The following SGCD variants were observed in gnomAD, a reference collection of about 807,000 sequenced individuals.
The protein encoded by SGCD is sarcoglycan delta.
A neutral mutation model predicts 36.6 loss-of-function variants in SGCD; 18 were observed. That is an observed-to-expected ratio of 0.49 (90% CI 0.34 to 0.73). The LOEUF (loss-of-function observed/expected upper bound fraction) is 0.73. Among genes scored for constraint, SGCD ranks in the 30% least tolerant of loss-of-function variants. The pLI is 0.01. For synonymous variants in SGCD, 133 were observed against 130.6 expected, an observed-to-expected ratio of 1.02 and a Z score of -0.12; for missense variants, 387 against 346.7, an observed-to-expected ratio of 1.12 and a Z score of -0.92.
At chr5:156,724,564 G>A (rs944179418) in intron 7 of SGCD, among the ~76,000 whole-genome samples, 4 of 151,562 alleles carry the variant, frequency 2.6e-5, no homozygotes, top group African/African-American at 7.3e-5. Context: ...CCAAGATCTC[G>A]CCTCTGCACT....
At chr5:156,017,833 C>A (rs1022625922) in intron 1 of SGCD, among the ~76,000 whole-genome samples, 1 of 152,070 alleles carries the variant, frequency 6.6e-6, no homozygotes, top group Non-Finnish European at 1.5e-5. Flanking sequence ...AAAGAACCAT[C>A]ATCTCCTCTT....
intron 3 of SGCD, among the ~76,000 whole-genome samples, chr5:156,145,659 TG>T (rs1269800537): frequency 1.3e-5 from 2 of 152,160 alleles, no homozygotes; most frequent in African/African-American, 4.8e-5. Flanking sequence ...AGTAAGTATT[TG>T]GTTAAAAGTA....
intron 1 of SGCD, among the ~76,000 whole-genome samples, chr5:156,073,890 G>T (rs1025748560): frequency 6.6e-6 from 1 of 152,318 alleles, no homozygotes; most frequent in African/African-American, 2.4e-5. Flanking sequence ...AGGCTTGACA[G>T]GTCTGAAACC....
At position 156,466,691 on chromosome 5, in the gene SGCD, A is replaced by G. The variant is rs1754733242; in HGVS notation, c.193-41910A>G. On this transcript the variant is annotated intron_variant, in intron 3 of 8. Coordinates refer to ENST00000337851, the MANE Select transcript of SGCD (RefSeq NM_000337.6). ...TGGGTGACTGCTGGGACAGAGAAAC[A>G]TTATGATGTAGAAGGATTGACTTCT... is the stretch of plus-strand genomic sequence containing the variant. Among the ~76,000 whole-genome samples, 3 of 152,200 alleles carry G rather than the reference A, an allele frequency of 2.0e-5. No individual in the cohort carries two copies. The South Asian group carries it at 6.2e-4, about 32-fold the overall frequency.
chr5:155,858,359 A>G, the SGCD span, among the ~76,000 whole-genome samples: 1 of 152,308 alleles, frequency 6.6e-6, no homozygotes, highest in East Asian at 1.9e-4. Context: ...ATATATCAAG[A>G]CCTATCAAAT....
intron 1 of SGCD, among the ~76,000 whole-genome samples, chr5:155,892,184 A>G (rs999976637): frequency 1.3e-5 from 2 of 152,068 alleles, no homozygotes; most frequent in Non-Finnish European, 2.9e-5. Flanking sequence ...GCGGCCAGGC[A>G]CAGTGGCTCA....
chr5:156,390,224 A>AG (rs1554099133), intron 3 of SGCD, among the ~76,000 whole-genome samples: 4 of 151,462 alleles, frequency 2.6e-5, no homozygotes, highest in East Asian at 3.9e-4. Flanking sequence ...TAAAAAAAAA[A>AG]GTTACATTTA....
intron 3 of SGCD, among the ~76,000 whole-genome samples, chr5:156,442,159 T>A (rs901393678): frequency 6.6e-6 from 1 of 152,188 alleles, no homozygotes; most frequent in East Asian, 1.9e-4. Flanking sequence ...GGCAGAGCAG[T>A]GATCGAGTGT....
chr5:156,449,848 A>G (rs995642127), intron 3 of SGCD, among the ~76,000 whole-genome samples: 3 of 125,350 alleles, frequency 2.4e-5, no homozygotes, highest in Middle Eastern at 3.8e-3. Flanking sequence ...GTGAAACTCC[A>G]TCTCAAAAAA....
chr5:155,761,627 T>C, the SGCD span, among the ~76,000 whole-genome samples: 39 of 97,866 alleles, frequency 4.0e-4, no homozygotes, highest in African/African-American at 1.0e-3. Context: ...TCATCATCAC[T>C]CTCTCCATCA....
intron 6 of SGCD, among the ~76,000 whole-genome samples, chr5:156,600,856 A>G (rs1392165489): frequency 6.6e-6 from 1 of 152,148 alleles, no homozygotes; most frequent in Non-Finnish European, 1.5e-5. Context: ...CTATTTGATA[A>G]TACTCCTAAC....
intron 3 of SGCD, among the ~76,000 whole-genome samples, chr5:156,158,550 G>T: frequency 6.6e-6 from 1 of 151,244 alleles, no homozygotes; most frequent in Non-Finnish European, 1.5e-5. Flanking sequence ...CCCCACTCAC[G>T]GCCTTCTCTC....
chr5:156,278,470 A>G (rs1177791345), intron 3 of SGCD, among the ~76,000 whole-genome samples: 3 of 152,210 alleles, frequency 2.0e-5, no homozygotes, highest in African/African-American at 7.2e-5. Context: ...AGGGTGGTAG[A>G]GGACTTGGAA....
chr5:155,908,470 C>G lies in SGCD; in HGVS notation c.-282+38046C>G, dbSNP rs570370864. The stretch of plus-strand genomic sequence containing the variant: ...AGGTTATTTCACTTAGTAGCAACAA[C>G]TTTGTTGAGTAAGTTTGGATTACTG... On this transcript the variant is annotated intron_variant, in intron 1 of 9. Transcript: ENST00000517913. Among the ~76,000 whole-genome samples, 5 of 152,216 alleles carry G rather than the reference C, an allele frequency of 3.3e-5. No individual in the cohort carries two copies. In the East Asian group the frequency reaches 7.7e-4, roughly 23 times the overall value.
chr5:156,670,789 T>C (rs1753255918), intron 7 of SGCD, among the ~76,000 whole-genome samples: 1 of 152,206 alleles, frequency 6.6e-6, no homozygotes, highest in Non-Finnish European at 1.5e-5. Context: ...GCCTGTCTAA[T>C]TTCCTGGCCA....
At chr5:155,925,369 G>C (rs1454004533) in intron 1 of SGCD, among the ~76,000 whole-genome samples, 2 of 152,172 alleles carry the variant, frequency 1.3e-5, no homozygotes, top group Admixed American at 1.3e-4. Context: ...CTCTCTCACA[G>C]TTCTGGAGGC....
chr5:156,689,630 C>T (rs1754038176), intron 7 of SGCD, among the ~76,000 whole-genome samples: 1 of 152,130 alleles, frequency 6.6e-6, no homozygotes. Context: ...GGTGTAGGCA[C>T]ATGAAAGACC....
intron 3 of SGCD, among the ~76,000 whole-genome samples, chr5:156,412,869 C>T (rs1356499301): frequency 6.7e-6 from 1 of 148,948 alleles, no homozygotes; most frequent in Non-Finnish European, 1.5e-5. Flanking sequence ...AATCTCGGCT[C>T]ACTGCAAGCT....
chr5:156,076,112 C>T (rs531319276), intron 1 of SGCD, among the ~76,000 whole-genome samples: 1 of 151,874 alleles, frequency 6.6e-6, no homozygotes, highest in South Asian at 2.1e-4. Context: ...CTCGCGGTCG[C>T]CATACTGAAA....
Sources: gnomAD v4.1 joint callset for allele counts (sites outside exome capture counted in the v4.1 genomes callset) on GRCh38, gnomAD v4.1.1 for gene constraint, MANE v1.5 for transcripts, NCBI Gene and HGNC (gene_info 2026-07-23, HGNC 2026-07-21) for gene names.